RABGAP1L: variants seen among roughly 807,000 people sequenced by gnomAD.
RABGAP1L encodes rab GTPase-activating protein 1-like.
A neutral mutation model predicts 137.7 loss-of-function variants in RABGAP1L; 63 were observed. The ratio of observed to expected loss-of-function variants is 0.46; its 90% CI spans 0.37 to 0.56. The LOEUF is 0.56. Ranked by LOEUF, RABGAP1L falls within the 20% of genes least tolerant of loss-of-function variation. The pLI is 0.00. For synonymous variants in RABGAP1L, 431 were observed against 433.7 expected, an observed-to-expected ratio of 0.99 and a Z score of 0.08; for missense variants, 1,095 against 1,244.0, an observed-to-expected ratio of 0.88 and a Z score of 1.80.
chr1:174,755,326 C>G lies in RABGAP1L; in HGVS notation c.2211+2972C>G, dbSNP rs555970258. Among the ~76,000 whole-genome samples, 3 of 152,288 alleles carry G rather than the reference C, an allele frequency of 2.0e-5. 1 individual carries two copies. Among genetic ancestry groups the G allele is most frequent in the African/African-American group, 7.2e-5 (3 of 41,560 alleles). ...TCCAGTAGGTAGGTCAGATATATTCCTCCAAATGTAATTTATTTACTTATA... is the reference window on the plus strand; with the variant it reads ...TCCAGTAGGTAGGTCAGATATATTCGTCCAAATGTAATTTATTTACTTATA... On this transcript the variant is annotated intron_variant, in intron 18 of 25. Transcript: ENST00000681986.
At chr1:174,733,800 A>C (rs1052154282) in intron 17 of RABGAP1L, among the ~76,000 whole-genome samples, 17 of 152,162 alleles carry the variant, frequency 1.1e-4, no homozygotes, top group Non-Finnish European at 1.8e-4. Context: ...GGCTACTGTC[A>C]CTCTAGAGAA....
Position 174,532,001 on chromosome 1 carries a change from A to G in RABGAP1L, c.1711-105374A>G, listed in dbSNP as rs187094844. On this transcript the variant is annotated intron_variant, in intron 13 of 25. Transcript: ENST00000681986. ...TCAGCTTTTCTCAAGAAGCTACTGT[A>G]GTATGTTTGCTGCCAAAAATAAGAA... Among the ~76,000 whole-genome samples, 159 of 152,186 alleles carry G rather than the reference A, an allele frequency of 1.0e-3. 1 individual carries two copies. The highest frequency in any genetic ancestry group is 0.01 in the Admixed American group (157 of 15,262).
intron 13 of RABGAP1L, among the ~76,000 whole-genome samples, chr1:174,543,057 G>T (rs1386643319): frequency 4.6e-5 from 7 of 152,202 alleles, no homozygotes; most frequent in African/African-American, 1.7e-4. Context: ...GTGCTGAGAA[G>T]AATGTATATT....
chr1:174,880,847 A>G (rs1654079156), intron 19 of RABGAP1L, among the ~76,000 whole-genome samples: 1 of 152,118 alleles, frequency 6.6e-6, no homozygotes, highest in Admixed American at 6.6e-5. Flanking sequence ...TCAGCCTCCC[A>G]GAGTGGTGGG....
intron 19 of RABGAP1L, among the ~76,000 whole-genome samples, chr1:174,883,835 A>G (rs949429378): frequency 1.3e-5 from 2 of 152,214 alleles, no homozygotes; most frequent in Admixed American, 1.3e-4. Flanking sequence ...GTTCTCACAA[A>G]GGGAATATAC....
At chr1:174,383,420 T>G (rs1042074301) in intron 12 of RABGAP1L, among the ~76,000 whole-genome samples, 1 of 151,896 alleles carries the variant, frequency 6.6e-6, no homozygotes, top group Non-Finnish European at 1.5e-5. Context: ...GATCTCAGAC[T>G]GCTGTGCTAG....
At chr1:174,201,128 C>CT (rs150574668) in intron 1 of RABGAP1L, among the ~76,000 whole-genome samples, 3 of 151,822 alleles carry the variant, frequency 2.0e-5, no homozygotes, top group Non-Finnish European at 4.4e-5. Flanking sequence ...TTTAATTTTT[C>CT]TTTTTTTGCA....
intron 17 of RABGAP1L, among the ~76,000 whole-genome samples, chr1:174,738,159 G>C (rs903664179): frequency 6.6e-6 from 1 of 152,160 alleles, no homozygotes; most frequent in Non-Finnish European, 1.5e-5. Flanking sequence ...CTTGAACTGA[G>C]CTGTCCTGGT....
intron 13 of RABGAP1L, among the ~76,000 whole-genome samples, chr1:174,621,719 C>T (rs919949572): frequency 1.3e-5 from 2 of 152,158 alleles, no homozygotes; most frequent in African/African-American, 4.8e-5. Flanking sequence ...GGATTAAAGA[C>T]TTAAACGTTA....
intron 17 of RABGAP1L, among the ~76,000 whole-genome samples, chr1:174,749,776 A>C (rs1305216173): frequency 1.1e-4 from 16 of 152,208 alleles, no homozygotes; most frequent in Non-Finnish European, 7.3e-5. Flanking sequence ...TCAGGATCAG[A>C]AAGTGACCTG....
At chr1:174,387,659 A>G (rs951512151) in intron 12 of RABGAP1L, among the ~76,000 whole-genome samples, 13 of 152,060 alleles carry the variant, frequency 8.5e-5, no homozygotes, top group African/African-American at 2.4e-4. Context: ...CACTGACCCT[A>G]TGTACAGAGA....
intron 15 of RABGAP1L, among the ~76,000 whole-genome samples, chr1:174,690,491 G>A (rs989092097): frequency 2.6e-5 from 4 of 152,108 alleles, no homozygotes; most frequent in East Asian, 1.9e-4. Context: ...ATCAAATGGG[G>A]TCATGAATGA....
At chr1:174,510,777 G>T (rs1216740298) in intron 13 of RABGAP1L, among the ~76,000 whole-genome samples, 1 of 152,076 alleles carries the variant, frequency 6.6e-6, no homozygotes, top group African/African-American at 2.4e-5. Flanking sequence ...TATGTTTTTG[G>T]CTGCATGTAA....
intron 1 of RABGAP1L, among the ~76,000 whole-genome samples, chr1:174,177,767 G>A (rs1209217483): frequency 6.6e-6 from 1 of 152,136 alleles, no homozygotes; most frequent in Non-Finnish European, 1.5e-5. Context: ...TTTTTGTCAG[G>A]TTTGTCAAAG....
intron 14 of RABGAP1L, among the ~76,000 whole-genome samples, chr1:174,677,158 C>CAAAAAAAA (rs1363194217): frequency 1.5e-5 from 1 of 65,152 alleles, no homozygotes; most frequent in Admixed American, 1.4e-4. Flanking sequence ...CCCATCTCTA[C>CAAAAAAAA]CAAAAAAAAA....
intron 11 of RABGAP1L, among the ~76,000 whole-genome samples, chr1:174,357,484 T>C (rs1558161845): frequency 6.6e-6 from 1 of 152,200 alleles, no homozygotes; most frequent in Non-Finnish European, 1.5e-5. Flanking sequence ...AAATAAGATA[T>C]AGTCCCAGCA....
Position 174,802,377 on chromosome 1 carries a change from C to T in RABGAP1L, c.2212-9455C>T, listed in dbSNP as rs113933156. Among the ~76,000 whole-genome samples, 35 of 152,276 alleles carry T rather than the reference C, an allele frequency of 2.3e-4. 1 individual carries two copies. In the South Asian group the frequency reaches 5.6e-3, roughly 24 times the overall value. Reference sequence around the variant, plus strand: ...TACCCAGCACTTTGGGAGGCTGAGGCGGGCAGATCACCTGAGGTTGGGAGT... The same window carrying T: ...TACCCAGCACTTTGGGAGGCTGAGGTGGGCAGATCACCTGAGGTTGGGAGT... On this transcript the variant is annotated intron_variant, in intron 18 of 25. Coordinates refer to ENST00000681986, the MANE Select transcript of RABGAP1L (RefSeq NM_001366446.1).
intron 19 of RABGAP1L, among the ~76,000 whole-genome samples, chr1:174,872,691 C>G (rs1652397297): frequency 6.6e-6 from 1 of 151,882 alleles, no homozygotes; most frequent in Non-Finnish European, 1.5e-5. Flanking sequence ...CAGGAACTTG[C>G]TACCATGCCT....
intron 13 of RABGAP1L, among the ~76,000 whole-genome samples, chr1:174,550,507 T>C (rs1007993118): frequency 2.0e-5 from 3 of 152,284 alleles, no homozygotes; most frequent in African/African-American, 7.2e-5. Context: ...AGCCAGCGAC[T>C]ACTCTTGTAT....
Sources: allele counts gnomAD v4.1 joint callset (sites outside exome capture counted in the v4.1 genomes callset), GRCh38; gene constraint gnomAD v4.1.1; transcripts MANE v1.5; gene names NCBI Gene and HGNC (gene_info 2026-07-23, HGNC 2026-07-21).